The following RNF150 variants were observed in gnomAD, a reference collection of about 807,000 sequenced individuals.
RNF150 encodes the protein ring finger protein 150.
A neutral mutation model predicts 39.3 loss-of-function variants in RNF150; 24 were observed. The observed-to-expected ratio is 0.61, with a 90% CI of 0.44 to 0.86. RNF150 has a LOEUF of 0.86. RNF150 is among the 40% of genes least tolerant of loss of function. RNF150 has a pLI of 0.00. For synonymous variants in RNF150, 255 were observed against 227.3 expected, an observed-to-expected ratio of 1.12 and a Z score of -1.10; for missense variants, 502 against 587.8, an observed-to-expected ratio of 0.85 and a Z score of 1.51.
chr4:141,023,496 C>A, intron 1 of RNF150, among the ~76,000 whole-genome samples: 1 of 152,118 alleles, frequency 6.6e-6, no homozygotes, highest in African/African-American at 2.4e-5. Context: ...TCAAGTGATC[C>A]ATCCTCCTTA....
chr4:141,081,238 T>A (rs1037401664), intron 1 of RNF150, among the ~76,000 whole-genome samples: 7 of 152,206 alleles, frequency 4.6e-5, no homozygotes, highest in African/African-American at 1.2e-4. Flanking sequence ...AGTTGAACTG[T>A]TACTTTAAGC....
chr4:140,915,528 T>C (rs766173410), intron 5 of RNF150, among the ~76,000 whole-genome samples: 2 of 152,246 alleles, frequency 1.3e-5, no homozygotes, highest in Non-Finnish European at 2.9e-5. Flanking sequence ...AAGGTATCCA[T>C]ATGCCTTCAT....
chr4:141,007,843 C>T (rs986987446), intron 1 of RNF150, among the ~76,000 whole-genome samples: 3 of 152,142 alleles, frequency 2.0e-5, no homozygotes, highest in Non-Finnish European at 2.9e-5. Context: ...ACCACTATCT[C>T]CATTCCTACA....
upstream of RNF150, among the ~76,000 whole-genome samples, chr4:141,136,129 A>G (rs1304083912): frequency 6.6e-6 from 1 of 152,228 alleles, no homozygotes; most frequent in East Asian, 1.9e-4. Flanking sequence ...ATTACGTACA[A>G]TAAATATCCC....
At chr4:141,195,220 A>T (rs1279172719) in intron 1 of RNF150, among the ~76,000 whole-genome samples, 1 of 152,076 alleles carries the variant, frequency 6.6e-6, no homozygotes, top group East Asian at 1.9e-4. Context: ...GGGGATCCTG[A>T]TGTAGTGTCT....
At chr4:141,203,573 C>A (rs1281972318) in intron 1 of RNF150, among the ~76,000 whole-genome samples, 3 of 151,704 alleles carry the variant, frequency 2.0e-5, no homozygotes, top group Non-Finnish European at 4.4e-5. Context: ...TACTAGATAC[C>A]CCAAAGGCAC....
At chr4:141,090,198 T>C (rs1738526946) in intron 1 of RNF150, among the ~76,000 whole-genome samples, 1 of 152,170 alleles carries the variant, frequency 6.6e-6, no homozygotes, top group Non-Finnish European at 1.5e-5. Context: ...TAAGAAAAGC[T>C]TGGGTCATCG....
chr4:140,885,698 G>A (rs549922553), intron 6 of RNF150, among the ~76,000 whole-genome samples: 1 of 151,566 alleles, frequency 6.6e-6, no homozygotes, highest in South Asian at 2.1e-4. Context: ...GGCCTCCCAG[G>A]TTCAAGCAAT....
At chr4:140,890,312 T>G (rs1305527902) in intron 6 of RNF150, among the ~76,000 whole-genome samples, 1 of 152,228 alleles carries the variant, frequency 6.6e-6, no homozygotes, top group African/African-American at 2.4e-5. Context: ...CAAAAAAAAC[T>G]AGTCCATCTA....
intron 1 of RNF150, among the ~76,000 whole-genome samples, chr4:141,158,775 A>G (rs917875796): frequency 6.6e-6 from 1 of 152,132 alleles, no homozygotes; most frequent in Non-Finnish European, 1.5e-5. Context: ...TTATATTCCA[A>G]GGAAGAACTA....
intron 1 of RNF150, among the ~76,000 whole-genome samples, chr4:140,982,678 T>C (rs1733899548): frequency 6.6e-6 from 1 of 152,092 alleles, no homozygotes; most frequent in South Asian, 2.1e-4. Flanking sequence ...ATGTCCCTGG[T>C]GATCCATGCC....
chr4:140,871,075 G>T (rs1463965207), intron 6 of RNF150, among the ~76,000 whole-genome samples: 1 of 150,960 alleles, frequency 6.6e-6, no homozygotes, highest in Non-Finnish European at 1.5e-5. Context: ...TATCTGACTT[G>T]ATACTATATT....
chr4:141,056,090 A>T (rs1290592343), intron 1 of RNF150, among the ~76,000 whole-genome samples: 1 of 152,258 alleles, frequency 6.6e-6, no homozygotes, highest in Non-Finnish European at 1.5e-5. Context: ...GTACTGAATC[A>T]TATTTTAAAG....
intron 1 of RNF150, among the ~76,000 whole-genome samples, chr4:141,130,337 G>C (rs1294992364): frequency 6.6e-6 from 1 of 151,752 alleles, no homozygotes; most frequent in Non-Finnish European, 1.5e-5. Flanking sequence ...AAGATAATAT[G>C]GAGTTTCCTG....
At chr4:141,183,762 G>A (rs1169263718) in intron 1 of RNF150, among the ~76,000 whole-genome samples, 1 of 152,022 alleles carries the variant, frequency 6.6e-6, no homozygotes, top group Non-Finnish European at 1.5e-5. Context: ...GCACTGTTTG[G>A]TTTTCTGTTC....
chr4:141,047,863 C>A (rs1736635549), intron 1 of RNF150, among the ~76,000 whole-genome samples: 1 of 152,094 alleles, frequency 6.6e-6, no homozygotes, highest in African/African-American at 2.4e-5. Flanking sequence ...TTATTTTTCT[C>A]CTGGCACTCA....
At chr4:141,122,815 A>G (rs770399752) in intron 1 of RNF150, among the ~76,000 whole-genome samples, 38 of 152,354 alleles carry the variant, frequency 2.5e-4, no homozygotes, top group Non-Finnish European at 3.5e-4. Flanking sequence ...CTCTTTTTAA[A>G]TGTTCTATAT....
intron 1 of RNF150, among the ~76,000 whole-genome samples, chr4:141,199,058 G>C (rs1003878374): frequency 1.3e-5 from 2 of 152,080 alleles, no homozygotes; most frequent in African/African-American, 4.8e-5. Context: ...TAAAAAATGA[G>C]CAACAGATTT....
Position 140,861,458 on chromosome 4 carries a change from G to T in RNF150, c.*6803C>A, listed in dbSNP as rs933060466. ...CAAATTCTCAACTACCGAAGAAATT[G>T]TATGATGAAAGGCAAGTAACTGGTT... On this transcript the variant is annotated 3_prime_UTR_variant, in exon 7 of 7. Transcript: ENST00000515673. 1 of 152,186 alleles carries T rather than the reference G, an allele frequency of 6.6e-6. No individual in the cohort carries two copies. Among genetic ancestry groups the T allele is most frequent in the African/African-American group, 2.4e-5 (1 of 41,444 alleles). The allele number at this position is 152,186 out of a possible 1,614,324, so 9.4% of individuals were successfully genotyped here. A position where few individuals can be genotyped will look rare whatever the true frequency, so the allele number is the denominator to read the frequency against.
Sources: gnomAD v4.1 joint callset for allele counts (sites outside exome capture counted in the v4.1 genomes callset) on GRCh38, gnomAD v4.1.1 for gene constraint, MANE v1.5 for transcripts, NCBI Gene and HGNC (gene_info 2026-07-23, HGNC 2026-07-21) for gene names.